The following TAFA2 variants were observed in gnomAD, a reference collection of about 807,000 sequenced individuals.
TAFA2 encodes chemokine-like protein TAFA-2.
A neutral mutation model predicts 18.8 loss-of-function variants in TAFA2; 7 were observed. That is an observed-to-expected ratio of 0.37 (90% CI 0.21 to 0.70). TAFA2 has a LOEUF of 0.70. Ranked by LOEUF, TAFA2 falls within the 30% of genes least tolerant of loss-of-function variation. The pLI is 0.53. For synonymous variants in TAFA2, 60 were observed against 54.2 expected (o/e 1.11, Z -0.47); for missense variants, 122 against 158.1 (o/e 0.77, Z 1.23).
At chr12:62,023,985 A>G (rs534027540) in intron 1 of TAFA2, among the ~76,000 whole-genome samples, 33 of 152,288 alleles carry the variant, frequency 2.2e-4, no homozygotes, top group African/African-American at 7.9e-4. Context: ...ACTTTGAAAG[A>G]TTCTTTTTGT....
chr12:61,903,202 C>T, intron 1 of TAFA2, among the ~76,000 whole-genome samples: 1 of 152,090 alleles, frequency 6.6e-6, no homozygotes, highest in East Asian at 1.9e-4. Flanking sequence ...AATAAAATCC[C>T]AACCTCCTTA....
At chr12:61,841,553 A>G (rs1168433353) in intron 2 of TAFA2, among the ~76,000 whole-genome samples, 3 of 152,104 alleles carry the variant, frequency 2.0e-5, no homozygotes, top group African/African-American at 7.2e-5. Flanking sequence ...ATAGCTTTGC[A>G]GTATATTTTG....
chr12:61,997,223 G>A (rs900708086), intron 1 of TAFA2, among the ~76,000 whole-genome samples: 4 of 134,852 alleles, frequency 3.0e-5, no homozygotes, highest in Non-Finnish European at 6.6e-5. Context: ...TTAAGTGGTC[G>A]TAAGTGCAAT....
At chr12:61,990,896 A>G (rs1879986901) in intron 1 of TAFA2, among the ~76,000 whole-genome samples, 1 of 152,230 alleles carries the variant, frequency 6.6e-6, no homozygotes, top group African/African-American at 2.4e-5. Flanking sequence ...AAGTATTATA[A>G]GATATGTGAG....
intron 2 of TAFA2, among the ~76,000 whole-genome samples, chr12:61,786,028 G>T (rs1436916043): frequency 6.6e-6 from 1 of 151,560 alleles, no homozygotes; most frequent in Non-Finnish European, 1.5e-5. Flanking sequence ...ACGAGAAGCT[G>T]CATAGAGAGA....
intron 1 of TAFA2, among the ~76,000 whole-genome samples, chr12:62,209,441 A>G (rs754544775): frequency 6.6e-6 from 1 of 152,238 alleles, no homozygotes; most frequent in Non-Finnish European, 1.5e-5. Context: ...CTGTGAGTCA[A>G]TTAAACCTCT....
chr12:62,055,019 T>A (rs1882151491), intron 1 of TAFA2, among the ~76,000 whole-genome samples: 1 of 152,220 alleles, frequency 6.6e-6, no homozygotes, highest in African/African-American at 2.4e-5. Flanking sequence ...ATTCTAATGG[T>A]CAATGTGATA....
chr12:62,184,194 T>A (rs2062569554), intron 1 of TAFA2, among the ~76,000 whole-genome samples: 1 of 152,168 alleles, frequency 6.6e-6, no homozygotes, highest in South Asian at 2.1e-4. Flanking sequence ...TATCTTCAAC[T>A]AGAAAAGTAT....
chr12:61,945,710 C>G (rs1878238363), intron 1 of TAFA2, among the ~76,000 whole-genome samples: 1 of 140,720 alleles, frequency 7.1e-6, no homozygotes, highest in South Asian at 2.4e-4. Flanking sequence ...TTCACAATTG[C>G]TTCAAACAGA....
intron 4 of TAFA2, among the ~76,000 whole-genome samples, chr12:61,721,953 CT>C (rs1393881916): frequency 4.7e-5 from 2 of 42,718 alleles, no homozygotes; most frequent in Non-Finnish European, 9.6e-5. Context: ...GAGACTCTCT[CT>C]CAAAAAAAAA....
intron 1 of TAFA2, among the ~76,000 whole-genome samples, chr12:62,146,067 C>T (rs766828065): frequency 6.6e-6 from 1 of 152,160 alleles, no homozygotes; most frequent in Non-Finnish European, 1.5e-5. Context: ...TCTCCATTTC[C>T]CCACTGGCAT....
chr12:62,049,130 T>G (rs1310601365), intron 1 of TAFA2, among the ~76,000 whole-genome samples: 2 of 152,168 alleles, frequency 1.3e-5, no homozygotes, highest in Non-Finnish European at 2.9e-5. Flanking sequence ...GTCACAAAGG[T>G]AATATGTCTT....
At chr12:62,125,249 C>T (rs1870402770) in intron 1 of TAFA2, among the ~76,000 whole-genome samples, 1 of 151,958 alleles carries the variant, frequency 6.6e-6, no homozygotes, top group Admixed American at 6.6e-5. Context: ...GAGTCCTCAC[C>T]CTTAGAAATA....
chr12:62,110,679 G>A (rs1334137297), intron 1 of TAFA2, among the ~76,000 whole-genome samples: 1 of 141,488 alleles, frequency 7.1e-6, no homozygotes, highest in Admixed American at 7.8e-5. Context: ...CTTGTTATTG[G>A]TCTATTCAGG....
chr12:61,722,489 T>C (rs140092383), intron 4 of TAFA2, among the ~76,000 whole-genome samples: 4 of 152,272 alleles, frequency 2.6e-5, no homozygotes. Flanking sequence ...TGTTATGACC[T>C]GCAGTGGACA....
intron 1 of TAFA2, among the ~76,000 whole-genome samples, chr12:61,957,127 C>G (rs1054527071): frequency 3.3e-5 from 5 of 152,158 alleles, no homozygotes; most frequent in Non-Finnish European, 7.3e-5. Context: ...GATTTATGCC[C>G]TGTGCCAGCA....
chr12:62,186,765 TATCTC>T (rs1214365180), intron 1 of TAFA2, among the ~76,000 whole-genome samples: 1 of 152,188 alleles, frequency 6.6e-6, no homozygotes, highest in Non-Finnish European at 1.5e-5. Context: ...CTTAGTTATA[TATCTC>T]ATACTCCACA....
At chr12:61,842,189 C>T (rs553517808) in intron 2 of TAFA2, among the ~76,000 whole-genome samples, 5 of 151,526 alleles carry the variant, frequency 3.3e-5, no homozygotes, top group Non-Finnish European at 5.9e-5. Flanking sequence ...ATTATGCACA[C>T]GGGAAAAAAT....
At chr12:61,975,464 T>G (rs1879396030) in intron 1 of TAFA2, among the ~76,000 whole-genome samples, 1 of 151,126 alleles carries the variant, frequency 6.6e-6, no homozygotes, top group South Asian at 2.1e-4. Flanking sequence ...TTCAGGGTCA[T>G]CCATTTTGTC....
Sources: gnomAD v4.1 joint callset for allele counts (sites outside exome capture counted in the v4.1 genomes callset) on GRCh38, gnomAD v4.1.1 for gene constraint, MANE v1.5 for transcripts, NCBI Gene and HGNC (gene_info 2026-07-23, HGNC 2026-07-21) for gene names.